Variants in EPB41L4B observed in about 807,000 individuals in gnomAD.
EPB41L4B encodes erythrocyte membrane protein band 4.1 like 4B, also known as band 4.1-like protein 4B.
In EPB41L4B, 30 loss-of-function variants were observed where a neutral mutation model predicts 112.5. The observed-to-expected ratio is 0.27, with a 90% confidence interval of 0.20 to 0.36. EPB41L4B has a LOEUF of 0.36. Among genes scored for constraint, EPB41L4B ranks in the 10% least tolerant of loss-of-function variants. The pLI is 1.00. For synonymous variants in EPB41L4B, 408 were observed against 439.7 expected, an observed-to-expected ratio of 0.93 and a Z score of 0.90; for missense variants, 1,024 against 1,133.3, an observed-to-expected ratio of 0.90 and a Z score of 1.38.
intron 15 of EPB41L4B, among the ~76,000 whole-genome samples, chr9:109,231,306 T>G (rs1329919285): frequency 6.6e-6 from 1 of 152,184 alleles, no homozygotes; most frequent in Admixed American, 6.6e-5. Context: ...GCTAGCACAG[T>G]TGATGTATGA....
At chr9:109,311,055 A>G (rs925866392) in intron 1 of EPB41L4B, among the ~76,000 whole-genome samples, 1 of 152,132 alleles carries the variant, frequency 6.6e-6, no homozygotes, top group African/African-American at 2.4e-5. Context: ...ATAGGGAGTT[A>G]ATGTTTAATG....
intron 5 of EPB41L4B, among the ~76,000 whole-genome samples, chr9:109,264,235 C>T (rs1236863375): frequency 1.3e-5 from 2 of 152,130 alleles, no homozygotes; most frequent in Admixed American, 6.5e-5. Flanking sequence ...TTTGCAAATT[C>T]GGAAATTACA....
chr9:109,275,555 T>C (rs1267892225), intron 2 of EPB41L4B, among the ~76,000 whole-genome samples: 1 of 152,160 alleles, frequency 6.6e-6, no homozygotes, highest in Non-Finnish European at 1.5e-5. Flanking sequence ...TAACTGTACC[T>C]TCTTAGCATG....
intron 25 of EPB41L4B, among the ~76,000 whole-genome samples, chr9:109,175,004 C>T (rs1831766277): frequency 6.6e-6 from 1 of 151,366 alleles, no homozygotes; most frequent in African/African-American, 2.4e-5. Context: ...GCAACCTCCA[C>T]CTCCCAGGTT....
chr9:109,305,387 A>T (rs1588232393), intron 1 of EPB41L4B, among the ~76,000 whole-genome samples: 1 of 152,018 alleles, frequency 6.6e-6, no homozygotes, highest in African/African-American at 2.4e-5. Flanking sequence ...GGGAGGCCAA[A>T]GCGGGTGGAT....
chr9:109,187,039 A>T (rs765224199), intron 22 of EPB41L4B, among the ~76,000 whole-genome samples: 16 of 152,312 alleles, frequency 1.1e-4, no homozygotes, highest in Non-Finnish European at 2.1e-4. Flanking sequence ...TGTACTGGTG[A>T]GGATGAGGTT....
chr9:109,184,235 T>A (rs1832173715), intron 23 of EPB41L4B, among the ~76,000 whole-genome samples: 1 of 152,232 alleles, frequency 6.6e-6, no homozygotes, highest in African/African-American at 2.4e-5. Flanking sequence ...TTATTTATTT[T>A]TTGAGACGGA....
At chr9:109,224,624 T>C (rs948770839) in intron 15 of EPB41L4B, among the ~76,000 whole-genome samples, 5 of 152,116 alleles carry the variant, frequency 3.3e-5, no homozygotes, top group African/African-American at 1.2e-4. Context: ...TAAAATTATA[T>C]TGCAGCGATG....
chr9:109,211,127 G>A (rs59889493), intron 17 of EPB41L4B, among the ~76,000 whole-genome samples: 2,658 of 152,216 alleles, frequency 0.017, 75 homozygotes, highest in African/African-American at 0.062. Context: ...ATCAAGAAGC[G>A]AAAGTTATCC....
chr9:109,291,502 A>C (rs1836528249), intron 1 of EPB41L4B, among the ~76,000 whole-genome samples: 1 of 152,206 alleles, frequency 6.6e-6, no homozygotes, highest in South Asian at 2.1e-4. Context: ...ACAGAGGCCA[A>C]GACGCTGTAG....
chr9:109,285,019 G>C (rs186043261), intron 1 of EPB41L4B, among the ~76,000 whole-genome samples: 1 of 152,178 alleles, frequency 6.6e-6, no homozygotes, highest in Admixed American at 6.5e-5. Context: ...CACCAACTGC[G>C]ACCTTAAGCA....
chr9:109,240,594 A>G, intron 15 of EPB41L4B: 1 of 985,426 alleles, frequency 1.0e-6, no homozygotes, highest in Non-Finnish European at 1.2e-6. Flanking sequence ...GGGGAAATAA[A>G]TATTTTGGTA....
At position 109,253,541 on chromosome 9, in the gene EPB41L4B, T is replaced by C; in HGVS notation, c.1179A>G (p.Thr393=). The part of the protein sequence containing the change: ...LGSRFRFSGR[T]EYQATHGSRL... ...TGGAGCCATGTGTAGCTTGATATTC[T>C]GTCCGCCCACTGGGAAGTAAATATT... Residue 393 remains threonine (T), a synonymous_variant, in exon 12 of 26, where the codon ACA becomes ACG. Coordinates refer to ENST00000374566, the MANE Select transcript of EPB41L4B (RefSeq NM_019114.5). 6.2e-7 allele frequency: 1 copy of C among 1,608,906 alleles called. No individual in the cohort carries two copies. Among genetic ancestry groups the C allele is most frequent in the Non-Finnish European group, 8.5e-7 (1 of 1,175,372 alleles).
In EPB41L4B at chr9:109,263,980, G is replaced by A. The variant is rs1433239876; in HGVS notation, c.579-878C>T. On this transcript the variant is annotated intron_variant, in intron 5 of 25. Coordinates refer to ENST00000374566, the MANE Select transcript of EPB41L4B (RefSeq NM_019114.5). ...GCCATTAATATTTTTCCAAACCGAA[G>A]ACAATTTCTAGAGTTACACAGCCTT... Among the ~76,000 whole-genome samples, 3 of 152,090 alleles carry A rather than the reference G, an allele frequency of 2.0e-5. No homozygotes were observed. The East Asian group carries it at 5.8e-4, about 29-fold the overall frequency.
intron 22 of EPB41L4B, among the ~76,000 whole-genome samples, chr9:109,189,100 C>A (rs1564252990): frequency 6.6e-6 from 1 of 152,186 alleles, no homozygotes; most frequent in Non-Finnish European, 1.5e-5. Flanking sequence ...AACTGGAGAG[C>A]AGGTGCTGTC....
intron 1 of EPB41L4B, among the ~76,000 whole-genome samples, chr9:109,312,293 ATGT>A (rs754754274): frequency 6.6e-6 from 1 of 152,236 alleles, no homozygotes; most frequent in Non-Finnish European, 1.5e-5. Flanking sequence ...GATAATTTTA[ATGT>A]TGTTCTACTA....
At chr9:109,231,141 G>A (rs1199498045) in intron 15 of EPB41L4B, among the ~76,000 whole-genome samples, 4 of 144,410 alleles carry the variant, frequency 2.8e-5, no homozygotes, top group African/African-American at 5.2e-5. Context: ...CCTGGGTGAC[G>A]AGTGAAACTC....
At chr9:109,266,199 C>T (rs1206710310) in intron 4 of EPB41L4B, among the ~76,000 whole-genome samples, 1 of 152,116 alleles carries the variant, frequency 6.6e-6, no homozygotes, top group Non-Finnish European at 1.5e-5. Context: ...GGGCAAAACG[C>T]TGTCTCTATT....
At chr9:109,224,664 AC>A (rs1327360627) in intron 15 of EPB41L4B, among the ~76,000 whole-genome samples, 19 of 152,200 alleles carry the variant, frequency 1.2e-4, no homozygotes, top group African/African-American at 4.6e-4. Context: ...ATACTAAAAA[AC>A]ATTAAGTTGT....
Sources: allele counts gnomAD v4.1 joint callset (sites outside exome capture counted in the v4.1 genomes callset), GRCh38; gene constraint gnomAD v4.1.1; transcripts MANE v1.5; gene names NCBI Gene and HGNC (gene_info 2026-07-23, HGNC 2026-07-21).